The following APAF1 variants were observed in gnomAD, a reference collection of about 807,000 sequenced individuals.
APAF1 encodes the protein apoptotic protease-activating factor 1.
APAF1 carries 91 observed loss-of-function variants against 152.4 expected under a neutral mutation model. The observed-to-expected ratio is 0.60, with a 90% CI of 0.50 to 0.71. The LOEUF (loss-of-function observed/expected upper bound fraction) is 0.71. APAF1 is among the 30% of genes least tolerant of loss of function. The pLI is 0.00. For missense variants in APAF1, 1,283 were observed against 1,472.0 expected (o/e 0.87, Z 2.10); for synonymous variants, 484 against 494.1 (o/e 0.98, Z 0.27).
Position 98,703,615 on chromosome 12 carries a change from A to G in APAF1, c.2595+116A>G, listed in dbSNP as rs889947757. On this transcript the variant is annotated intron_variant, in intron 18 of 26. Coordinates refer to ENST00000551964, the MANE Select transcript of APAF1 (RefSeq NM_181861.2). ...AGCCTTGCTTGAGAAATTATAGAGT[A>G]TTTTCTTTATAGCCTAATGACCTCT... 9.2e-5 allele frequency: 120 copies of G among 1,311,092 alleles called. 1 individual carries two copies. The African/African-American group carries it at 1.7e-3, about 18-fold the overall frequency. The allele number at this position is 1,311,092 out of a possible 1,614,324, so 81.2% of individuals were successfully genotyped here.
intron 5 of APAF1, among the ~76,000 whole-genome samples, chr12:98,660,814 A>G (rs1322997183): frequency 1.3e-5 from 2 of 152,236 alleles, no homozygotes; most frequent in African/African-American, 4.8e-5. Context: ...GCACCCAAGG[A>G]TGCAGTATAC....
At chr12:98,732,305 C>G in intron 26 of APAF1, 115 bp from the exon 27 acceptor site, 1 of 886,016 alleles carries the variant, frequency 1.1e-6, no homozygotes, top group South Asian at 1.4e-5. Flanking sequence ...CATTTTCCTC[C>G]TGTTTGCTTG....
At chr12:98,706,747 G>C in intron 19 of APAF1, 137 bp downstream of exon 19, 1 of 1,013,054 alleles carries the variant, frequency 9.9e-7, no homozygotes, top group Non-Finnish European at 1.5e-6. Flanking sequence ...CCCTGGAAAA[G>C]TGCTGTTATA....
chr12:98,700,267 T>C (rs2097713968), intron 17 of APAF1, among the ~76,000 whole-genome samples: 3 of 152,210 alleles, frequency 2.0e-5, no homozygotes, highest in South Asian at 2.1e-4. Flanking sequence ...ATGATTTGTC[T>C]AAAGTTACAT....
At chr12:98,693,098 T>C (rs1408817021) in intron 16 of APAF1, among the ~76,000 whole-genome samples, 2 of 152,108 alleles carry the variant, frequency 1.3e-5, no homozygotes, top group African/African-American at 4.8e-5. Context: ...ATAAAAATTA[T>C]ATAGCAGTGT....
Position 98,703,384 on chromosome 12 carries a change from A to G in APAF1, c.2480A>G (p.His827Arg). 6.2e-7 allele frequency: 1 copy of G among 1,614,138 alleles called. No homozygotes were observed. The change falls in exon 18 of 27, where the codon CAT becomes CGT. Residue 827 changes from histidine to arginine, a missense_variant. Physicochemically the swap from His to Arg is conservative, Grantham distance 29. Coordinates refer to ENST00000551964, the MANE Select transcript of APAF1 (RefSeq NM_181861.2). ...AKNKIFLFDI[H>R]TSGLLGEIHT... Reference sequence around the variant, plus strand: ...TTATGTTGACAGCTTTTTGACATTCATACTAGTGGCCTATTGGGAGAAATC... The same window carrying G: ...TTATGTTGACAGCTTTTTGACATTCGTACTAGTGGCCTATTGGGAGAAATC...
intron 13 of APAF1, 127 bp downstream of exon 13, chr12:98,677,678 T>C: frequency 9.0e-7 from 1 of 1,105,034 alleles, no homozygotes; most frequent in East Asian, 2.4e-5. Flanking sequence ...CCAGCTCTCT[T>C]GAACATTTTA....
intron 13 of APAF1, among the ~76,000 whole-genome samples, chr12:98,678,339 G>A (rs578012799): frequency 2.0e-5 from 3 of 152,382 alleles, no homozygotes; most frequent in African/African-American, 4.8e-5. Context: ...CATGCTGGCT[G>A]CAGCAGGGAG....
intron 22 of APAF1, among the ~76,000 whole-genome samples, chr12:98,722,899 TTGTG>T (rs751333239): frequency 1.1e-4 from 17 of 151,332 alleles, no homozygotes; most frequent in Non-Finnish European, 2.1e-4. Flanking sequence ...CACTGGCATA[TTGTG>T]TGTTTTTTTT....
intron 21 of APAF1, among the ~76,000 whole-genome samples, chr12:98,714,618 G>A (rs546449665): frequency 2.0e-5 from 3 of 152,104 alleles, no homozygotes; most frequent in Non-Finnish European, 2.9e-5. Flanking sequence ...TTGTGAGATC[G>A]TTCATCCCGC....
rs2097765770 is a variant in APAF1 at position 98,734,090 on chromosome 12, G to A, written c.*1524G>A. ...TAATTCCATTTACTTTTAGATGAATGGCATTGTGAATGCCATTCTTTTAAT... is the reference window on the plus strand; with the variant it reads ...TAATTCCATTTACTTTTAGATGAATAGCATTGTGAATGCCATTCTTTTAAT... On this transcript the variant is annotated 3_prime_UTR_variant, in exon 27 of 27. Transcript: ENST00000551964. 1 of 152,148 alleles carries A rather than the reference G, an allele frequency of 6.6e-6. No homozygotes were observed. Among genetic ancestry groups the A allele is most frequent in the Non-Finnish European group, 1.5e-5 (1 of 68,026 alleles). 9.4% of individuals were successfully genotyped at this position (152,148 alleles called of 1,614,324 possible).
chr12:98,661,874 A>T (rs1161218707), intron 5 of APAF1, among the ~76,000 whole-genome samples: 1 of 152,138 alleles, frequency 6.6e-6, no homozygotes, highest in Non-Finnish European at 1.5e-5. Flanking sequence ...TGAGTTTAGA[A>T]AAGTTTTTGG....
At chr12:98,647,762 C>G (rs867762128) in intron 1 of APAF1, among the ~76,000 whole-genome samples, 4 of 135,830 alleles carry the variant, frequency 2.9e-5, no homozygotes, top group African/African-American at 1.1e-4. Flanking sequence ...CATGTCAATA[C>G]ATGGAGATAT....
chr12:98,686,281 C>G (rs535415429), intron 15 of APAF1, among the ~76,000 whole-genome samples: 2 of 152,146 alleles, frequency 1.3e-5, no homozygotes, highest in East Asian at 1.9e-4. Flanking sequence ...GTCATTTGTC[C>G]CATGGAATGT....
rs112359747 is a variant in APAF1, at chr12:98,697,963, C to T, written c.2305-1445C>T. ...ATTTAAAAATTTGCCATTTAAAGCA[C>T]GCAGAGGCCTGGGGTGCACAGGGAC... On this transcript the variant is annotated intron_variant, in intron 16 of 26. Coordinates refer to ENST00000551964, the MANE Select transcript of APAF1 (RefSeq NM_181861.2). 6.6e-3 allele frequency among the ~76,000 whole-genome samples: 1,004 copies of T among 152,204 alleles called. 12 individuals are homozygous for T. Among genetic ancestry groups the T allele is most frequent in the African/African-American group, 0.023 (943 of 41,530 alleles).
chr12:98,654,816 C>CTTTTTTTTTTTTTTTTTTTTTT (rs758991431), intron 4 of APAF1, among the ~76,000 whole-genome samples: 1 of 116,794 alleles, frequency 8.6e-6, no homozygotes, highest in African/African-American at 3.3e-5. Context: ...GTAGTATTTT[C>CTTTTTTTTTTTTTTTTTTTTTT]TTTTTTTTTT....
chr12:98,662,454 A>G lies in APAF1; in HGVS notation c.711-2A>G. On this transcript the variant is annotated splice_acceptor_variant, in intron 5 of 26. Transcript: ENST00000551964. LOFTEE classifies it high-confidence loss of function. ...GTGATTAATATTTTTTTTTTAAATTAGGTCTCTCTTGATCTTGGATGATGT... is the reference window on the plus strand; with the variant it reads ...GTGATTAATATTTTTTTTTTAAATTGGGTCTCTCTTGATCTTGGATGATGT... 1 of 1,603,014 alleles carries G rather than the reference A, an allele frequency of 6.2e-7. No individual in the cohort carries two copies.
At chr12:98,649,954 A>G (rs907011497) in intron 4 of APAF1, among the ~76,000 whole-genome samples, 1 of 152,050 alleles carries the variant, frequency 6.6e-6, no homozygotes, top group Non-Finnish European at 1.5e-5. Flanking sequence ...TGGGAAAGGT[A>G]GTGGGTGGTT....
intron 21 of APAF1, among the ~76,000 whole-genome samples, chr12:98,713,424 G>T (rs2097730385): frequency 6.6e-6 from 1 of 152,168 alleles, no homozygotes; most frequent in African/African-American, 2.4e-5. Context: ...GGCTCATGGG[G>T]AATATGGGTG....
Sources: allele counts gnomAD v4.1 joint callset (sites outside exome capture counted in the v4.1 genomes callset), GRCh38; gene constraint gnomAD v4.1.1; transcripts MANE v1.5; gene names NCBI Gene and HGNC (gene_info 2026-07-23, HGNC 2026-07-21).